CLVS1: variants seen among roughly 807,000 people sequenced by gnomAD.
CLVS1 encodes the protein clavesin 1, also known as clavesin-1.
In CLVS1, 10 loss-of-function variants were observed where a neutral mutation model predicts 33.1. That is an observed-to-expected ratio of 0.30 (90% CI 0.19 to 0.51). The LOEUF (loss-of-function observed/expected upper bound fraction) is 0.51. Among genes scored for constraint, CLVS1 ranks in the 20% least tolerant of loss-of-function variants. The pLI is 0.97. For synonymous variants in CLVS1, 163 were observed against 166.1 expected (o/e 0.98, Z 0.14); for missense variants, 343 against 433.4 (o/e 0.79, Z 1.85).
chr8:61,121,109 G>A (rs1375544363), intron 1 of CLVS1, among the ~76,000 whole-genome samples: 3 of 151,944 alleles, frequency 2.0e-5, no homozygotes, highest in Admixed American at 2.0e-4. Context: ...GAAAAGCGCA[G>A]TATTCGGGTG....
intron 5 of CLVS1, among the ~76,000 whole-genome samples, chr8:61,461,730 C>T (rs1340794103): frequency 1.3e-5 from 2 of 152,144 alleles, no homozygotes; most frequent in Admixed American, 1.3e-4. Context: ...TAGGAAGGTT[C>T]CTCTGAGTAG....
intron 2 of CLVS1, among the ~76,000 whole-genome samples, chr8:61,161,595 A>T (rs1388249592): frequency 1.3e-5 from 2 of 152,212 alleles, no homozygotes; most frequent in African/African-American, 4.8e-5. Flanking sequence ...GAGTCTAAAA[A>T]AGTGGAATTC....
chr8:61,182,028 C>T (rs936748766), intron 2 of CLVS1, among the ~76,000 whole-genome samples: 6 of 152,038 alleles, frequency 3.9e-5, no homozygotes, highest in African/African-American at 1.4e-4. Flanking sequence ...ACAAACCTGA[C>T]AAAAACAAGC....
At chr8:61,155,963 A>G (rs1487817696) in intron 2 of CLVS1, among the ~76,000 whole-genome samples, 3 of 152,158 alleles carry the variant, frequency 2.0e-5, no homozygotes, top group Admixed American at 6.5e-5. Context: ...CTGTAATCTC[A>G]GCATTTTGGG....
the CLVS1 span, among the ~76,000 whole-genome samples, chr8:61,016,049 C>T: frequency 6.6e-6 from 1 of 152,218 alleles, no homozygotes; most frequent in Non-Finnish European, 1.5e-5. Flanking sequence ...GCCAACATGA[C>T]ATAGTGACAC....
intron 1 of CLVS1, among the ~76,000 whole-genome samples, chr8:61,104,229 A>C (rs1805496520): frequency 6.6e-6 from 1 of 152,240 alleles, no homozygotes; most frequent in South Asian, 2.1e-4. Flanking sequence ...CCTGAGCTAC[A>C]GACAGCAAAA....
chr8:61,472,673 C>G (rs1273285627), intron 5 of CLVS1, among the ~76,000 whole-genome samples: 4 of 152,054 alleles, frequency 2.6e-5, no homozygotes, highest in African/African-American at 9.7e-5. Flanking sequence ...AAATTTTATT[C>G]ATTCATTCAA....
chr8:61,025,863 T>C, the CLVS1 span, among the ~76,000 whole-genome samples: 37 of 152,204 alleles, frequency 2.4e-4, 1 homozygote, highest in Admixed American at 1.6e-3. Flanking sequence ...TTTAAAGGAG[T>C]TGGCCAAGAA....
At chr8:61,223,086 G>T (rs529631175) in intron 2 of CLVS1, among the ~76,000 whole-genome samples, 18 of 151,790 alleles carry the variant, frequency 1.2e-4, no homozygotes, top group Admixed American at 3.3e-4. Context: ...CACATAAGAT[G>T]GGCCTCCTGA....
At chr8:61,473,650 G>C (rs77427095) in intron 5 of CLVS1, among the ~76,000 whole-genome samples, 4,081 of 152,248 alleles carry the variant, frequency 0.027, 77 homozygotes, top group South Asian at 0.066. Context: ...AGCCTGGATT[G>C]GAGTGCTGAG....
chr8:61,056,107 C>A (rs1365640171), upstream of CLVS1, among the ~76,000 whole-genome samples: 1 of 152,170 alleles, frequency 6.6e-6, no homozygotes, highest in Non-Finnish European at 1.5e-5. Flanking sequence ...CATGGTCACA[C>A]CTCCCTGTAA....
chr8:61,126,207 G>C (rs976025031), intron 1 of CLVS1, among the ~76,000 whole-genome samples: 5 of 151,822 alleles, frequency 3.3e-5, no homozygotes, highest in Admixed American at 2.0e-4. Context: ...CACACACACT[G>C]TCTGACTCTC....
At chr8:61,296,447 C>T (rs1232787340) in intron 1 of CLVS1, among the ~76,000 whole-genome samples, 3 of 152,160 alleles carry the variant, frequency 2.0e-5, no homozygotes, top group Non-Finnish European at 2.9e-5. Flanking sequence ...AAGTAACTTG[C>T]CCCATGCTTT....
intron 3 of CLVS1, among the ~76,000 whole-genome samples, chr8:61,435,650 C>T (rs1179209042): frequency 6.7e-6 from 1 of 150,346 alleles, no homozygotes; most frequent in African/African-American, 2.4e-5. Flanking sequence ...AAATGCTTCA[C>T]ATATGTATGT....
the CLVS1 span, among the ~76,000 whole-genome samples, chr8:60,995,715 A>G: frequency 6.6e-6 from 1 of 152,222 alleles, no homozygotes; most frequent in African/African-American, 2.4e-5. Context: ...ACGCACACGT[A>G]TGTTTATTGC....
chr8:61,221,870 T>C (rs182156564), intron 2 of CLVS1, among the ~76,000 whole-genome samples: 9 of 152,348 alleles, frequency 5.9e-5, no homozygotes, highest in Admixed American at 4.6e-4. Context: ...GAGCTTGTTA[T>C]TGGTCTATTC....
intron 5 of CLVS1, chr8:61,464,870 C>T (rs963293533): frequency 6.6e-6 from 1 of 152,264 alleles, no homozygotes; most frequent in Non-Finnish European, 1.5e-5. Flanking sequence ...GCGTATATCT[C>T]CTGTAAGGCA....
At chr8:61,345,024 G>T (rs1056133220) in intron 2 of CLVS1, among the ~76,000 whole-genome samples, 1 of 152,148 alleles carries the variant, frequency 6.6e-6, no homozygotes, top group East Asian at 1.9e-4. Flanking sequence ...GCTTGGATTT[G>T]CTCATCTGCT....
chr8:61,391,657 T>A (rs1814309307), intron 3 of CLVS1, among the ~76,000 whole-genome samples: 1 of 152,222 alleles, frequency 6.6e-6, no homozygotes, highest in Non-Finnish European at 1.5e-5. Flanking sequence ...AAATGTCATT[T>A]GTTGAGAGGA....
Sources: allele counts gnomAD v4.1 joint callset (sites outside exome capture counted in the v4.1 genomes callset), GRCh38; gene constraint gnomAD v4.1.1; transcripts MANE v1.5; gene names NCBI Gene and HGNC (gene_info 2026-07-23, HGNC 2026-07-21).